The following RASSF8 variants were observed in gnomAD, a reference collection of about 807,000 sequenced individuals.
RASSF8 encodes Ras association domain family member 8.
A neutral mutation model predicts 48.5 loss-of-function variants in RASSF8; 22 were observed. The observed-to-expected ratio is 0.45, with a 90% confidence interval of 0.32 to 0.65. RASSF8 has a LOEUF of 0.65. Ranked by LOEUF, RASSF8 falls within the 30% of genes least tolerant of loss-of-function variation. RASSF8 has a pLI of 0.03. For synonymous variants in RASSF8, 127 were observed against 171.5 expected, an observed-to-expected ratio of 0.74 and a Z score of 2.03; for missense variants, 418 against 489.2, an observed-to-expected ratio of 0.85 and a Z score of 1.37.
rs1020235003 is a variant in RASSF8 at position 25,958,755 on chromosome 12, GGCGCCCCGCGCC to G, written c.-586_-575del. On this transcript the variant is annotated 5_prime_UTR_variant, in exon 1 of 6. Coordinates refer to ENST00000689635, the MANE Select transcript of RASSF8 (RefSeq NM_001394098.1). ...GCTCCTCCTACGCCCGCGCTCGTCC[GGCGCCCCGCGCC>G]GCGCCCCGCTCAGCGTCTGCCGCCC... Among the ~76,000 whole-genome samples the G allele has an allele frequency of 4.8e-5, 7 of 146,410 alleles. No homozygotes were observed. The highest frequency in any genetic ancestry group is 4.0e-4 in the East Asian group (2 of 4,978).
intron 3 of RASSF8, 118 bp downstream of exon 3, chr12:26,055,564 A>G (rs1240064547): frequency 1.2e-6 from 1 of 856,854 alleles, no homozygotes; most frequent in African/African-American, 1.7e-5. Flanking sequence ...AATAAGTCTC[A>G]CAGGCACTCT....
At chr12:25,981,495 A>ACT (rs1941743514) in intron 1 of RASSF8, among the ~76,000 whole-genome samples, 1 of 151,926 alleles carries the variant, frequency 6.6e-6, no homozygotes, top group Non-Finnish European at 1.5e-5. Flanking sequence ...CTGGTTGGCA[A>ACT]CTCCAGGATT....
chr12:26,040,010 T>C (rs1004965424), intron 2 of RASSF8, among the ~76,000 whole-genome samples: 9 of 152,242 alleles, frequency 5.9e-5, no homozygotes, highest in Admixed American at 2.6e-4. Context: ...TCATATCATG[T>C]ATTTAAAATT....
intron 1 of RASSF8, among the ~76,000 whole-genome samples, chr12:25,993,377 C>T (rs556077019): frequency 1.3e-5 from 2 of 152,308 alleles, no homozygotes; most frequent in South Asian, 4.1e-4. Context: ...TCATTCTCAG[C>T]TATCTACTTC....
At chr12:26,056,560 G>A (rs1303982949) in intron 3 of RASSF8, among the ~76,000 whole-genome samples, 1 of 152,210 alleles carries the variant, frequency 6.6e-6, no homozygotes, top group Admixed American at 6.5e-5. Context: ...ATTGAAATGA[G>A]TCATACTGTT....
chr12:26,056,284 A>G (rs1257668589), intron 3 of RASSF8, among the ~76,000 whole-genome samples: 3 of 152,178 alleles, frequency 2.0e-5, no homozygotes, highest in Non-Finnish European at 4.4e-5. Flanking sequence ...CTTCTTATTT[A>G]TTTTAAGCTT....
intron 3 of RASSF8, among the ~76,000 whole-genome samples, chr12:26,059,562 A>T (rs569617721): frequency 1.3e-5 from 2 of 151,872 alleles, no homozygotes; most frequent in Admixed American, 6.5e-5. Flanking sequence ...AAAAAATTAT[A>T]CTCTTCATAT....
intron 2 of RASSF8, among the ~76,000 whole-genome samples, chr12:26,023,792 A>G (rs1942842656): frequency 6.6e-6 from 1 of 152,198 alleles, no homozygotes; most frequent in Non-Finnish European, 1.5e-5. Flanking sequence ...AAAAGTATAG[A>G]TTTGATTGTT....
intron 2 of RASSF8, among the ~76,000 whole-genome samples, chr12:26,018,195 AATC>A (rs1942697901): frequency 6.6e-6 from 1 of 152,186 alleles, no homozygotes. Context: ...TGCTTCATTT[AATC>A]ATGTTTCTTA....
At chr12:25,997,951 T>G (rs1942169831) in intron 2 of RASSF8, among the ~76,000 whole-genome samples, 1 of 152,224 alleles carries the variant, frequency 6.6e-6, no homozygotes, top group South Asian at 2.1e-4. Flanking sequence ...GATTGACATT[T>G]TCTGATAATG....
At chr12:25,964,442 A>G (rs1941310994) in intron 1 of RASSF8, among the ~76,000 whole-genome samples, 1 of 152,196 alleles carries the variant, frequency 6.6e-6, no homozygotes, top group South Asian at 2.1e-4. Context: ...ATGTAAATGC[A>G]GGTTATAACA....
At chr12:26,078,909 C>A in intron 5 of RASSF8, 2 of 776,136 alleles carry the variant, frequency 2.6e-6, no homozygotes, top group South Asian at 3.5e-5. Flanking sequence ...AAAAAAAAGG[C>A]GCTAACCGAA....
intron 3 of RASSF8, among the ~76,000 whole-genome samples, chr12:26,062,768 T>C (rs1040626542): frequency 7.2e-5 from 11 of 152,224 alleles, no homozygotes; most frequent in African/African-American, 2.4e-4. Context: ...GTCAGCCCTT[T>C]TGTTATAGGA....
At chr12:26,018,301 T>G (rs1942700189) in intron 2 of RASSF8, among the ~76,000 whole-genome samples, 1 of 152,186 alleles carries the variant, frequency 6.6e-6, no homozygotes, top group Admixed American at 6.5e-5. Flanking sequence ...TATGAAGATT[T>G]TATTCTTAAA....
chr12:25,984,446 A>C (rs1259972696), intron 1 of RASSF8, among the ~76,000 whole-genome samples: 1 of 151,924 alleles, frequency 6.6e-6, no homozygotes, highest in Non-Finnish European at 1.5e-5. Flanking sequence ...CGGTTCAGGC[A>C]ATTCTCTGGC....
At position 25,958,825 on chromosome 12, in the gene RASSF8, T is replaced by C. The variant is rs1941148228; in HGVS notation, c.-526T>C. Reference sequence around the variant, plus strand: ...CGCCCAGCCTCGCCGAGCCTCGCCCTTCCCGCCCGCGGCGGCGTTGGCGCT... The same window carrying C: ...CGCCCAGCCTCGCCGAGCCTCGCCCCTCCCGCCCGCGGCGGCGTTGGCGCT... On this transcript the variant is annotated 5_prime_UTR_variant, in exon 1 of 6. Transcript: ENST00000689635. 1 of 145,974 alleles carries C rather than the reference T, an allele frequency of 6.9e-6. No homozygotes were observed. The highest frequency in any genetic ancestry group is 1.5e-5 in the Non-Finnish European group (1 of 65,812). The allele number at this position is 145,974 out of a possible 1,614,324, so 9.0% of individuals were successfully genotyped here. A position where few individuals can be genotyped will look rare whatever the true frequency, so the allele number is the denominator to read the frequency against.
At chr12:26,008,629 TAAC>T (rs1310873969) in intron 2 of RASSF8, among the ~76,000 whole-genome samples, 1 of 152,236 alleles carries the variant, frequency 6.6e-6, no homozygotes, top group African/African-American at 2.4e-5. Flanking sequence ...TTTACATTAA[TAAC>T]AGAGTAATTT....
chr12:26,063,104 G>A (rs767517608), intron 3 of RASSF8, among the ~76,000 whole-genome samples: 1 of 152,000 alleles, frequency 6.6e-6, no homozygotes, highest in African/African-American at 2.4e-5. Context: ...ACTACTATTG[G>A]CTCAGAAGCT....
At chr12:26,020,830 G>C (rs73079015) in intron 2 of RASSF8, among the ~76,000 whole-genome samples, 14,788 of 152,172 alleles carry the variant, frequency 0.097, 756 homozygotes, top group Middle Eastern at 0.15. Context: ...CCACTTAGCT[G>C]TGTGACCTGA....
Sources: allele counts gnomAD v4.1 joint callset (sites outside exome capture counted in the v4.1 genomes callset), GRCh38; gene constraint gnomAD v4.1.1; transcripts MANE v1.5; gene names NCBI Gene and HGNC (gene_info 2026-07-23, HGNC 2026-07-21).